Variants in SMAD2 observed in about 807,000 individuals in gnomAD.
SMAD2 encodes MAD homolog 2.
Under a neutral mutation model 64.4 loss-of-function variants are expected in SMAD2, and 8 were observed. The ratio of observed to expected loss-of-function variants is 0.12; its 90% CI spans 0.07 to 0.22. The LOEUF is 0.22. SMAD2 is among the 10% of genes least tolerant of loss of function. The pLI is 1.00. For synonymous variants in SMAD2, 203 were observed against 195.8 expected (o/e 1.04, Z -0.31); for missense variants, 289 against 561.2 (o/e 0.51, Z 4.90).
intron 10 of SMAD2, 114 bp downstream of exon 10, chr18:47,845,197 GGCCTCCAACTTTATTTTACATAAAGATCA>G (rs753070784): frequency 2.0e-4 from 164 of 830,820 alleles, no homozygotes; most frequent in Non-Finnish European, 3.0e-4. Context: ...TGAATTTGGA[GGCCTCCAACTTTATTTTACATAAAGATCA>G]GCTGACTCTA....
At chr18:47,883,353 A>G (rs2032717567) in intron 2 of SMAD2, among the ~76,000 whole-genome samples, 1 of 152,228 alleles carries the variant, frequency 6.6e-6, no homozygotes, top group Non-Finnish European at 1.5e-5. Flanking sequence ...GTGGCAGAGA[A>G]CATACTTTGG....
intron 1 of SMAD2, among the ~76,000 whole-genome samples, chr18:47,901,590 T>C (rs2033686082): frequency 6.6e-6 from 1 of 152,296 alleles, no homozygotes; most frequent in South Asian, 2.1e-4. Flanking sequence ...TCTTTTCTTT[T>C]AGTGGTTACC....
At chr18:47,847,747 T>TGTCTAGTG (rs2144296949) in intron 8 of SMAD2, among the ~76,000 whole-genome samples, 1 of 149,636 alleles carries the variant, frequency 6.7e-6, no homozygotes, top group East Asian at 2.0e-4. Context: ...TCAACATTCA[T>TGTCTAGTG]GTCTAGTGTA....
chr18:47,875,947 T>C (rs897932809), intron 2 of SMAD2, among the ~76,000 whole-genome samples: 5 of 152,078 alleles, frequency 3.3e-5, no homozygotes, highest in African/African-American at 9.7e-5. Context: ...AGCGTTAAGT[T>C]TGCACTTAAG....
At chr18:47,879,405 G>C (rs900873389) in intron 2 of SMAD2, among the ~76,000 whole-genome samples, 4 of 151,938 alleles carry the variant, frequency 2.6e-5, no homozygotes, top group African/African-American at 7.3e-5. Flanking sequence ...CTTCTGGAAA[G>C]TCTATGTATG....
At chr18:47,889,022 TAGGCTTAAC>T (rs2033053164) in intron 2 of SMAD2, among the ~76,000 whole-genome samples, 1 of 152,134 alleles carries the variant, frequency 6.6e-6, no homozygotes, top group Admixed American at 6.5e-5. Context: ...AGAACTTACG[TAGGCTTAAC>T]AGACTGAATA....
intron 1 of SMAD2, among the ~76,000 whole-genome samples, chr18:47,920,897 G>A (rs1416140854): frequency 6.6e-6 from 1 of 152,228 alleles, no homozygotes; most frequent in Non-Finnish European, 1.5e-5. Flanking sequence ...GCTTACGCCT[G>A]TAATCCCAAA....
intron 1 of SMAD2, chr18:47,919,994 T>C (rs1310364613): frequency 2.6e-5 from 4 of 152,202 alleles, no homozygotes; most frequent in Non-Finnish European, 5.9e-5. Context: ...AAAATTGGTG[T>C]GCTTTAGTCA....
rs186501879 is a variant in SMAD2, at chr18:47,837,797, T to C, written c.*4030A>G. 1.3e-3 allele frequency: 295 copies of C among 233,020 alleles called. No individual in the cohort carries two copies. Among genetic ancestry groups the C allele is most frequent in the Non-Finnish European group, 2.1e-3 (249 of 117,828 alleles). 14.4% of individuals were successfully genotyped at this position (233,020 alleles called of 1,614,324 possible). On this transcript the variant is annotated 3_prime_UTR_variant, in exon 11 of 11. Transcript: ENST00000262160. Reference sequence around the variant, plus strand: ...TGTTCATGTCCACAGACTAGATATCTAAAGAGATACTTGGTGGGCAGGGGC... The same window carrying C: ...TGTTCATGTCCACAGACTAGATATCCAAAGAGATACTTGGTGGGCAGGGGC...
In SMAD2 at chr18:47,824,236, T is replaced by G. The variant is rs751978542; in HGVS notation, c.*17591A>C. 6 of 152,188 alleles carry G rather than the reference T, an allele frequency of 3.9e-5. No individual in the cohort carries two copies. The highest frequency in any genetic ancestry group is 1.3e-4 in the Admixed American group (2 of 15,270). 9.4% of individuals were successfully genotyped at this position (152,188 alleles called of 1,614,324 possible). A position where few individuals can be genotyped will look rare whatever the true frequency, so the allele number is the denominator to read the frequency against. On this transcript the variant is annotated 3_prime_UTR_variant, in exon 11 of 11. Coordinates refer to ENST00000262160, the MANE Select transcript of SMAD2 (RefSeq NM_005901.6). ...TCAAGAGTCATGTTTCCAAAAGCCC[T>G]GACAAATGGAGCCAGGGAAGTCCAT...
intron 1 of SMAD2, among the ~76,000 whole-genome samples, chr18:47,914,512 C>T (rs563235593): frequency 5.9e-5 from 9 of 152,258 alleles, no homozygotes; most frequent in African/African-American, 1.7e-4. Flanking sequence ...CTTATGGATG[C>T]TTTAGTTTAC....
rs188079799 is a variant in SMAD2, at chr18:47,838,669, T to A, written c.*3158A>T. 5.6e-5 allele frequency: 13 copies of A among 232,928 alleles called. No homozygotes were observed. The highest frequency in any genetic ancestry group is 1.1e-4 in the Admixed American group (2 of 17,792). The allele number at this position is 232,928 out of a possible 1,614,324, so 14.4% of individuals were successfully genotyped here. On this transcript the variant is annotated 3_prime_UTR_variant, in exon 11 of 11. Transcript: ENST00000262160. ...ATCGTTGACCAGTGGTTATAAAGAC[T>A]TTCTGAGCTTCTTTTTAAAGCAATG...
rs1311049549 is a variant in SMAD2 at position 47,825,766 on chromosome 18, T to A, written c.*16061A>T. ...CAGAAACTTGACTCTCCGGGCAAGA[T>A]AACTGTTGTCTTTTTAAAATTTCAG... On this transcript the variant is annotated 3_prime_UTR_variant, in exon 11 of 11. Coordinates refer to ENST00000262160, the MANE Select transcript of SMAD2 (RefSeq NM_005901.6). The A allele has an allele frequency of 1.3e-5, 2 of 152,226 alleles. No individual in the cohort carries two copies. The highest frequency in any genetic ancestry group is 6.5e-5 in the Admixed American group (1 of 15,288). 9.4% of individuals were successfully genotyped at this position (152,226 alleles called of 1,614,324 possible).
At chr18:47,925,056 C>T (rs952447078) in intron 1 of SMAD2, among the ~76,000 whole-genome samples, 1 of 152,122 alleles carries the variant, frequency 6.6e-6, no homozygotes. Flanking sequence ...AAACTACATC[C>T]CCCTTCCCCA....
chr18:47,881,172 T>C (rs1175126253), intron 2 of SMAD2, among the ~76,000 whole-genome samples: 1 of 152,218 alleles, frequency 6.6e-6, no homozygotes, highest in Non-Finnish European at 1.5e-5. Context: ...GTACTTCATG[T>C]TATTTTTAGA....
At position 47,870,465 on chromosome 18, in the gene SMAD2, G is replaced by C. The variant is rs764883970; in HGVS notation, c.326+10C>G. 6.3e-7 allele frequency: 1 copy of C among 1,596,346 alleles called. No homozygotes were observed. On this transcript the variant is annotated intron_variant, in intron 3 of 10. Coordinates refer to ENST00000262160, the MANE Select transcript of SMAD2 (RefSeq NM_005901.6). ...GATCTCTAAGATTCGACAGAGGGCA[G>C]AATATTCACCTGGTTTGTTCAGAGA...
At chr18:47,914,882 TTA>T (rs1416684314) in intron 1 of SMAD2, among the ~76,000 whole-genome samples, 3 of 152,172 alleles carry the variant, frequency 2.0e-5, no homozygotes, top group Non-Finnish European at 2.9e-5. Context: ...TGCAATGAAT[TTA>T]TATTAGTTTA....
intron 10 of SMAD2, among the ~76,000 whole-genome samples, chr18:47,843,030 C>T (rs915828066): frequency 1.3e-5 from 2 of 152,198 alleles, no homozygotes; most frequent in Non-Finnish European, 2.9e-5. Context: ...TAATTTAAAA[C>T]TGTACTTCCA....
chr18:47,849,131 T>C (rs1377011131), intron 7 of SMAD2, among the ~76,000 whole-genome samples: 2 of 152,040 alleles, frequency 1.3e-5, no homozygotes, highest in Non-Finnish European at 2.9e-5. Context: ...ACAGTAATAA[T>C]AAAAGGATAC....
Sources: allele counts gnomAD v4.1 joint callset (sites outside exome capture counted in the v4.1 genomes callset), GRCh38; gene constraint gnomAD v4.1.1; transcripts MANE v1.5; gene names NCBI Gene and HGNC (gene_info 2026-07-23, HGNC 2026-07-21).